DNAH8: variants seen among roughly 807,000 people sequenced by gnomAD.
DNAH8 encodes dynein axonemal heavy chain 8, also known as axonemal beta dynein heavy chain 8.
In DNAH8, 382 loss-of-function variants were observed where a neutral mutation model predicts 562.1. That is an observed-to-expected ratio of 0.68 (90% CI 0.63 to 0.74). The LOEUF (loss-of-function observed/expected upper bound fraction) is 0.74, where lower values mean the gene tolerates loss of function less well. DNAH8 is among the 30% of genes least tolerant of loss of function. The probability of loss-of-function intolerance (pLI) is 0.00; values close to 1 mark genes in which losing one functional copy is unlikely to be tolerated. For missense variants in DNAH8, 5,203 were observed against 5,620.4 expected, an observed-to-expected ratio of 0.93 and a Z score of 2.37; for synonymous variants, 1,881 against 1,919.4, an observed-to-expected ratio of 0.98 and a Z score of 0.52.
intron 23 of DNAH8, 53 bp from the exon 24 acceptor site, chr6:38,807,557 C>G: frequency 1.1e-6 from 1 of 921,538 alleles, no homozygotes; most frequent in Non-Finnish European, 1.6e-6. Flanking sequence ...TTTGGGGATG[C>G]TCTAGGTTTT....
At chr6:38,987,322 C>T (rs1256399235) in intron 87 of DNAH8, among the ~76,000 whole-genome samples, 2 of 152,180 alleles carry the variant, frequency 1.3e-5, no homozygotes, top group East Asian at 3.8e-4. Flanking sequence ...TCTACTTCTT[C>T]CCTGTACCCT....
intron 49 of DNAH8, among the ~76,000 whole-genome samples, chr6:38,871,445 C>A (rs1777459065): frequency 6.6e-6 from 1 of 152,144 alleles, no homozygotes; most frequent in Admixed American, 6.6e-5. Context: ...CTTGCCATCT[C>A]AATGGGTGGC....
intron 22 of DNAH8, among the ~76,000 whole-genome samples, chr6:38,804,641 A>T (rs1771086600): frequency 6.6e-6 from 1 of 152,086 alleles, no homozygotes; most frequent in Non-Finnish European, 1.5e-5. Context: ...CCTTACAGGG[A>T]TGAAGTTAAT....
Position 38,982,374 on chromosome 6 carries a change from G to T in DNAH8, c.12863G>T (p.Trp4288Leu), listed in dbSNP as rs1405936916. The T allele has an allele frequency of 3.7e-6, 6 of 1,609,050 alleles. No homozygotes were observed. The highest frequency in any genetic ancestry group is 5.1e-6 in the Non-Finnish European group (6 of 1,176,002). The stretch of plus-strand genomic sequence containing the variant: ...CGACGAAAATTTGGCCCCTTAGGAT[G>T]GAATATTCCCTACGAATTCAATTCT... ...QERRKFGPLGWNIPYEFNSAD... is the reference protein window; with the variant it reads ...QERRKFGPLGLNIPYEFNSAD... Residue 4288 changes from tryptophan (W) to leucine (L), a missense_variant, in exon 86 of 93, where the codon TGG becomes TTG. Physicochemically the swap from Trp to Leu is moderately conservative, Grantham distance 61. Coordinates refer to ENST00000327475, the MANE Select transcript of DNAH8 (RefSeq NM_001206927.2).
chr6:38,876,792 G>A (rs1009891100), intron 53 of DNAH8, among the ~76,000 whole-genome samples: 19 of 152,336 alleles, frequency 1.2e-4, no homozygotes, highest in African/African-American at 3.4e-4. Flanking sequence ...TGTTTGAATC[G>A]TGTAAAATAG....
chr6:39,019,579 A>G (rs577344428), intron 91 of DNAH8, among the ~76,000 whole-genome samples: 1 of 152,308 alleles, frequency 6.6e-6, no homozygotes, highest in East Asian at 1.9e-4. Context: ...GCAGCCTCGT[A>G]TAGACGTGAG....
chr6:38,935,532 G>A (rs1782879138), intron 76 of DNAH8, 60 bp from the exon 77 acceptor site: 7 of 1,187,722 alleles, frequency 5.9e-6, no homozygotes, highest in East Asian at 2.4e-5. Context: ...TAGTGAGTTG[G>A]GTTTACTGTA....
Position 38,824,290 on chromosome 6 carries a change from C to T in DNAH8, c.3847+602C>T, listed in dbSNP as rs1396850950. Among the ~76,000 whole-genome samples the T allele has an allele frequency of 2.0e-5, 3 of 152,104 alleles. 1 individual carries two copies. Among genetic ancestry groups the T allele is most frequent in the Admixed American group, 1.3e-4 (2 of 15,268 alleles). On this transcript the variant is annotated intron_variant, in intron 28 of 92. Coordinates refer to ENST00000327475, the MANE Select transcript of DNAH8 (RefSeq NM_001206927.2). ...CAGCATGGAGTTGAAGGACTGTGGA[C>T]GTAGACAGGTTGACATCATCTGTAG...
intron 4 of DNAH8, among the ~76,000 whole-genome samples, chr6:38,731,995 T>A (rs1763693348): frequency 6.6e-6 from 1 of 152,200 alleles, no homozygotes; most frequent in Non-Finnish European, 1.5e-5. Context: ...AGATTATAGG[T>A]GTGAGCCACC....
chr6:38,968,827 T>G (rs1374119603), intron 82 of DNAH8, among the ~76,000 whole-genome samples: 1 of 152,150 alleles, frequency 6.6e-6, no homozygotes, highest in Non-Finnish European at 1.5e-5. Context: ...CCCAAAAACT[T>G]GTATGTGAAT....
At chr6:39,004,537 T>C (rs1395611907) in intron 88 of DNAH8, among the ~76,000 whole-genome samples, 1 of 152,222 alleles carries the variant, frequency 6.6e-6, no homozygotes, top group Non-Finnish European at 1.5e-5. Flanking sequence ...GCCTTCCTTT[T>C]TTGAAAAACA....
chr6:38,893,040 A>G (rs1426444163), intron 58 of DNAH8, among the ~76,000 whole-genome samples: 4 of 151,960 alleles, frequency 2.6e-5, no homozygotes, highest in Admixed American at 2.0e-4. Flanking sequence ...ATATTTACAT[A>G]TATATTTGTT....
intron 85 of DNAH8, 111 bp downstream of exon 85, chr6:38,974,640 C>G (rs1266530219): frequency 2.4e-6 from 2 of 822,288 alleles, no homozygotes; most frequent in Middle Eastern, 2.4e-4. Flanking sequence ...TCTCCTTACT[C>G]TCTTTTCCTT....
At chr6:38,792,770 G>A (rs1432890330) in intron 21 of DNAH8, among the ~76,000 whole-genome samples, 1 of 152,136 alleles carries the variant, frequency 6.6e-6, no homozygotes, top group Non-Finnish European at 1.5e-5. Flanking sequence ...ATACATTTAT[G>A]TTTTGAACTG....
At chr6:38,742,489 A>G (rs1764599711) in intron 8 of DNAH8, among the ~76,000 whole-genome samples, 1 of 151,836 alleles carries the variant, frequency 6.6e-6, no homozygotes, top group Non-Finnish European at 1.5e-5. Flanking sequence ...TGTTGTAGAG[A>G]TGGGGTTTCA....
intron 26 of DNAH8, among the ~76,000 whole-genome samples, chr6:38,817,649 G>A (rs1255415804): frequency 1.3e-5 from 2 of 152,184 alleles, no homozygotes; most frequent in African/African-American, 4.8e-5. Context: ...GCTTCAAGTA[G>A]TATACCTTTT....
intron 91 of DNAH8, among the ~76,000 whole-genome samples, chr6:39,023,639 C>T (rs773071571): frequency 2.0e-5 from 3 of 152,174 alleles, no homozygotes; most frequent in East Asian, 1.9e-4. Flanking sequence ...TTCCATTAGA[C>T]TTGCTATCAG....
chr6:38,982,136 G>A (rs1173750178), intron 85 of DNAH8, among the ~76,000 whole-genome samples: 1 of 152,190 alleles, frequency 6.6e-6, no homozygotes, highest in African/African-American at 2.4e-5. Flanking sequence ...CCTCTAAGAT[G>A]TTTGCGTGAG....
chr6:38,782,331 A>G (rs1768705210), intron 16 of DNAH8, among the ~76,000 whole-genome samples: 1 of 151,944 alleles, frequency 6.6e-6, no homozygotes, highest in Non-Finnish European at 1.5e-5. Flanking sequence ...CCCAGGCTGG[A>G]GTGCAGTGGC....
Sources: allele counts gnomAD v4.1 joint callset (sites outside exome capture counted in the v4.1 genomes callset), GRCh38; gene constraint gnomAD v4.1.1; transcripts MANE v1.5; gene names NCBI Gene and HGNC (gene_info 2026-07-23, HGNC 2026-07-21).